DAB1: variants seen among roughly 807,000 people sequenced by gnomAD.
The protein encoded by DAB1 is disabled homolog 1.
DAB1 carries 15 observed loss-of-function variants against 64.6 expected under a neutral mutation model. That is an observed-to-expected ratio of 0.23 (90% confidence interval 0.16 to 0.36). DAB1 has a LOEUF of 0.36. Ranked by LOEUF, DAB1 falls within the 10% of genes least tolerant of loss-of-function variation. The pLI, the probability that DAB1 is intolerant of heterozygous loss-of-function variation, is 1.00. For missense variants in DAB1, 596 were observed against 706.7 expected (o/e 0.84, Z 1.78); for synonymous variants, 235 against 251.9 (o/e 0.93, Z 0.64).
chr1:57,053,002 T>C (rs1011182396), intron 9 of DAB1, among the ~76,000 whole-genome samples: 2 of 152,230 alleles, frequency 1.3e-5, no homozygotes, highest in Admixed American at 1.3e-4. Flanking sequence ...CTTCTCTTCC[T>C]CAGGGTTTTA....
At chr1:57,744,377 C>T (rs55650352) in intron 6 of DAB1, among the ~76,000 whole-genome samples, 3 of 150,390 alleles carry the variant, frequency 2.0e-5, no homozygotes, top group African/African-American at 4.9e-5. Context: ...AGGAATTTTT[C>T]TTTTTATCTC....
intron 4 of DAB1, among the ~76,000 whole-genome samples, chr1:57,108,141 G>A (rs954103163): frequency 6.6e-6 from 1 of 152,090 alleles, no homozygotes; most frequent in Non-Finnish European, 1.5e-5. Context: ...CTCCAATCAA[G>A]GCTGTAGGGT....
chr1:57,904,414 G>A (rs951974101), intron 5 of DAB1, among the ~76,000 whole-genome samples: 9 of 152,128 alleles, frequency 5.9e-5, no homozygotes, highest in African/African-American at 2.2e-4. Flanking sequence ...TTAAGGTCCT[G>A]GGATCTGTGA....
chr1:57,982,431 A>G (rs115257727), intron 5 of DAB1, among the ~76,000 whole-genome samples: 1,903 of 152,308 alleles, frequency 0.012, 18 homozygotes, highest in Non-Finnish European at 0.017. Context: ...GAATTGGAAA[A>G]TTCAAATCCC....
intron 5 of DAB1, among the ~76,000 whole-genome samples, chr1:57,941,968 C>A (rs75128853): frequency 0.011 from 1,722 of 152,266 alleles, 34 homozygotes; most frequent in African/African-American, 0.04. Context: ...AACTTAGAAC[C>A]TCAGACCTCA....
chr1:57,298,453 A>C (rs1175023284), intron 1 of DAB1, among the ~76,000 whole-genome samples: 1 of 152,228 alleles, frequency 6.6e-6, no homozygotes, highest in African/African-American at 2.4e-5. Context: ...ACATATTCCT[A>C]GCTTTAAAAC....
chr1:57,460,873 AAT>A (rs1356276582), intron 7 of DAB1, among the ~76,000 whole-genome samples: 6 of 152,192 alleles, frequency 3.9e-5, no homozygotes, highest in Middle Eastern at 3.4e-3. Flanking sequence ...ACTCTGCACA[AAT>A]GTACCTTATC....
At chr1:58,134,598 A>C (rs1653838384) in intron 5 of DAB1, among the ~76,000 whole-genome samples, 1 of 152,214 alleles carries the variant, frequency 6.6e-6, no homozygotes, top group African/African-American at 2.4e-5. Flanking sequence ...GGAAACTTAC[A>C]ATCATGACAG....
chr1:57,743,338 A>C (rs1648093695), intron 6 of DAB1, among the ~76,000 whole-genome samples: 1 of 152,110 alleles, frequency 6.6e-6, no homozygotes, highest in Non-Finnish European at 1.5e-5. Flanking sequence ...GTTCTTTGTA[A>C]TTCTCCCCAC....
chr1:58,095,664 T>C (rs1650934760), intron 5 of DAB1, among the ~76,000 whole-genome samples: 14 of 152,200 alleles, frequency 9.2e-5, no homozygotes, highest in Admixed American at 9.2e-4. Context: ...TGACGGATAT[T>C]GTTAAGTATC....
chr1:57,980,090 C>T (rs958516634), intron 5 of DAB1, among the ~76,000 whole-genome samples: 6 of 152,106 alleles, frequency 3.9e-5, no homozygotes, highest in Non-Finnish European at 8.8e-5. Context: ...CTCAGAGCAA[C>T]CATTAATTGA....
intron 3 of DAB1, among the ~76,000 whole-genome samples, chr1:58,423,376 G>A (rs1177811875): frequency 2.0e-5 from 3 of 152,184 alleles, no homozygotes; most frequent in Non-Finnish European, 4.4e-5. Context: ...AAGCTGGATG[G>A]CATTTCCTCC....
chr1:57,722,496 T>C (rs1647163210), intron 6 of DAB1, among the ~76,000 whole-genome samples: 1 of 152,158 alleles, frequency 6.6e-6, no homozygotes, highest in African/African-American at 2.4e-5. Context: ...CTTAGCACCC[T>C]CTCAAACTTC....
chr1:57,361,870 T>C (rs1223088440), intron 1 of DAB1, among the ~76,000 whole-genome samples: 1 of 152,150 alleles, frequency 6.6e-6, no homozygotes, highest in Non-Finnish European at 1.5e-5. Context: ...GAATAGCTCA[T>C]AGTCTAAGAG....
At chr1:58,082,621 G>C (rs1457371279) in intron 5 of DAB1, among the ~76,000 whole-genome samples, 1 of 152,138 alleles carries the variant, frequency 6.6e-6, no homozygotes, top group African/African-American at 2.4e-5. Flanking sequence ...CTTTCTGGAG[G>C]AAGTTTCCCC....
At chr1:57,348,419 T>C (rs774314779) in intron 1 of DAB1, among the ~76,000 whole-genome samples, 2 of 152,164 alleles carry the variant, frequency 1.3e-5, no homozygotes, top group Non-Finnish European at 2.9e-5. Context: ...AAAAAATAAA[T>C]GGTTGCCAAA....
At chr1:58,488,993 C>T (rs533916916) in intron 3 of DAB1, among the ~76,000 whole-genome samples, 11 of 152,362 alleles carry the variant, frequency 7.2e-5, no homozygotes, top group Non-Finnish European at 1.5e-4. Context: ...GGAACAGCTC[C>T]AGTCTACAGC....
At chr1:57,269,722 G>A (rs1439276815) in intron 2 of DAB1, among the ~76,000 whole-genome samples, 2 of 152,048 alleles carry the variant, frequency 1.3e-5, no homozygotes, top group Non-Finnish European at 2.9e-5. Flanking sequence ...TTTTTCTCCC[G>A]AGAATATTTT....
At chr1:57,820,349 T>A (rs1001573900) in intron 6 of DAB1, among the ~76,000 whole-genome samples, 1 of 152,202 alleles carries the variant, frequency 6.6e-6, no homozygotes, top group African/African-American at 2.4e-5. Flanking sequence ...ACACACTGAT[T>A]AAAACTTCCC....
Sources: allele counts gnomAD v4.1 joint callset (sites outside exome capture counted in the v4.1 genomes callset), GRCh38; gene constraint gnomAD v4.1.1; transcripts MANE v1.5; gene names NCBI Gene and HGNC (gene_info 2026-07-23, HGNC 2026-07-21).